The following PTPRD variants were observed in gnomAD, a reference collection of about 807,000 sequenced individuals.
PTPRD encodes the protein receptor-type tyrosine-protein phosphatase delta.
In PTPRD, 34 loss-of-function variants were observed where a neutral mutation model predicts 214.5. The observed-to-expected ratio is 0.16, with a 90% CI of 0.12 to 0.21. The LOEUF is 0.21. PTPRD is among the 10% of genes least tolerant of loss of function. PTPRD has a pLI of 1.00. For synonymous variants in PTPRD, 1,128 were observed against 845.7 expected (o/e 1.33, Z -5.79); for missense variants, 2,545 against 2,398.7 (o/e 1.06, Z -1.27).
At chr9:10,462,116 T>C (rs2098963367) in intron 2 of PTPRD, among the ~76,000 whole-genome samples, 1 of 152,110 alleles carries the variant, frequency 6.6e-6, no homozygotes, top group Non-Finnish European at 1.5e-5. Flanking sequence ...AGTTAGCGTA[T>C]TATATACAGG....
chr9:8,434,532 G>A (rs2095261228), intron 35 of PTPRD, among the ~76,000 whole-genome samples: 1 of 152,032 alleles, frequency 6.6e-6, no homozygotes, highest in South Asian at 2.1e-4. Context: ...CTATATTATT[G>A]CCCATGGTTT....
At chr9:9,198,806 T>A (rs1379525872) in intron 9 of PTPRD, among the ~76,000 whole-genome samples, 1 of 152,208 alleles carries the variant, frequency 6.6e-6, no homozygotes, top group Non-Finnish European at 1.5e-5. Flanking sequence ...CTGAGATAGA[T>A]GACTGCATAT....
At chr9:8,861,387 G>A (rs149306458) in intron 11 of PTPRD, 16 of 152,072 alleles carry the variant, frequency 1.1e-4, no homozygotes, top group African/African-American at 3.9e-4. Flanking sequence ...AGAAAAGTAG[G>A]AAAAAACACA....
chr9:9,427,823 G>T (rs536011967), intron 8 of PTPRD, among the ~76,000 whole-genome samples: 1 of 152,258 alleles, frequency 6.6e-6, no homozygotes, highest in East Asian at 1.9e-4. Flanking sequence ...AGCTTCATAC[G>T]TGAAAGAGAA....
chr9:8,694,176 T>C (rs1388019653), intron 12 of PTPRD, among the ~76,000 whole-genome samples: 1 of 152,180 alleles, frequency 6.6e-6, no homozygotes, highest in Non-Finnish European at 1.5e-5. Context: ...AGCTAATAAA[T>C]TTTTAAATCT....
At chr9:9,312,725 G>A (rs1485885803) in intron 9 of PTPRD, among the ~76,000 whole-genome samples, 2 of 152,120 alleles carry the variant, frequency 1.3e-5, no homozygotes, top group Non-Finnish European at 2.9e-5. Context: ...AACTGGAATA[G>A]GCATGTTAGA....
At chr9:10,117,307 G>A in intron 3 of PTPRD, among the ~76,000 whole-genome samples, 1 of 152,110 alleles carries the variant, frequency 6.6e-6, no homozygotes, top group Admixed American at 6.6e-5. Context: ...ACAGAAAGTT[G>A]ATGTTATTCC....
Position 8,950,060 on chromosome 9 carries a change from T to C in PTPRD, c.-104+68637A>G, listed in dbSNP as rs140800402. ...TCAATCGTGTTGCAATTCTACAAAA[T>C]AGGTATTGGAATGTCTATTTTACAA... On this transcript the variant is annotated intron_variant, in intron 11 of 45. Transcript: ENST00000381196. 1.2e-3 allele frequency among the ~76,000 whole-genome samples: 185 copies of C among 152,248 alleles called. 2 individuals are homozygous for C. Among genetic ancestry groups the C allele is most frequent in the African/African-American group, 4.2e-3 (176 of 41,564 alleles).
chr9:10,147,534 T>C (rs2099031606), intron 3 of PTPRD, among the ~76,000 whole-genome samples: 1 of 152,162 alleles, frequency 6.6e-6, no homozygotes, highest in Admixed American at 6.6e-5. Flanking sequence ...AATTTAATTT[T>C]TCCCAGCCAG....
At chr9:10,584,495 G>A (rs1047270314) in intron 2 of PTPRD, among the ~76,000 whole-genome samples, 4 of 152,146 alleles carry the variant, frequency 2.6e-5, no homozygotes, top group Non-Finnish European at 5.9e-5. Context: ...GTCTACTGTA[G>A]TTCCAGATCT....
At chr9:8,543,225 T>A (rs534691123) in intron 14 of PTPRD, among the ~76,000 whole-genome samples, 1 of 152,330 alleles carries the variant, frequency 6.6e-6, no homozygotes, top group East Asian at 1.9e-4. Flanking sequence ...TTTCGTTTAG[T>A]TGTAATAGAC....
At chr9:8,414,548 G>A (rs1233468850) in intron 35 of PTPRD, among the ~76,000 whole-genome samples, 1 of 152,038 alleles carries the variant, frequency 6.6e-6, no homozygotes, top group Non-Finnish European at 1.5e-5. Context: ...CTTATGTTGG[G>A]AGTTATAGGG....
intron 3 of PTPRD, among the ~76,000 whole-genome samples, chr9:10,322,206 C>G (rs1286172604): frequency 6.6e-6 from 1 of 151,966 alleles, no homozygotes; most frequent in African/African-American, 2.4e-5. Flanking sequence ...ATCTTGCAGT[C>G]AGTTTAATGC....
chr9:9,451,608 T>C (rs1227078825), intron 8 of PTPRD, among the ~76,000 whole-genome samples: 1 of 151,472 alleles, frequency 6.6e-6, no homozygotes, highest in Admixed American at 6.6e-5. Context: ...TTGGTATGAA[T>C]GAGAGAAAGT....
intron 3 of PTPRD, among the ~76,000 whole-genome samples, chr9:10,190,403 AAAAAAAAAAAAAAAAAAC>A (rs2099358034): frequency 1.6e-5 from 2 of 127,982 alleles, no homozygotes; most frequent in Non-Finnish European, 3.4e-5. Flanking sequence ...AAAAAAAAAA[AAAAAAAAAAAAAAAAAAC>A]AAAAAGTCAA....
rs747302391 is a variant in PTPRD at position 8,319,853 on chromosome 9, C to A, written c.5648G>T (p.Arg1883Leu). ...FQTVKMLRTQ[R>L]PAMVQTEDQY... is the part of the protein sequence containing the mutation. ...CACCTCTGTCTGTACCATAGCTGGT[C>A]GTTGTGTTCTTAACATTTTGACAGT... The change falls in exon 45 of 46, where the codon CGA becomes CTA. Residue 1883 changes from arginine to leucine, a missense_variant. Coordinates refer to ENST00000381196, the MANE Select transcript of PTPRD (RefSeq NM_002839.4). The A allele has an allele frequency of 6.2e-7, 1 of 1,612,802 alleles. No individual in the cohort carries two copies. The highest frequency in any genetic ancestry group is 1.7e-4 in the Middle Eastern group (1 of 6,048).
rs142218587 is a variant in PTPRD, at chr9:10,191,459, G to A, written c.-545+149504C>T. ...TATTTTATGCATTTACAAATTGAAA[G>A]AAGGAATTGTAAGGGTAATTGAGCT... On this transcript the variant is annotated intron_variant, in intron 3 of 45. Transcript: ENST00000381196. Among the ~76,000 whole-genome samples, 1,024 of 152,196 alleles carry A rather than the reference G, an allele frequency of 6.7e-3. 7 individuals carry two copies. Among genetic ancestry groups the A allele is most frequent in the Non-Finnish European group, 0.011 (719 of 68,000 alleles).
At chr9:9,019,332 GAA>G (rs1213966387) in intron 10 of PTPRD, among the ~76,000 whole-genome samples, 10 of 25,960 alleles carry the variant, frequency 3.9e-4, no homozygotes, top group Admixed American at 7.5e-4. Flanking sequence ...AAGAAAGAAA[GAA>G]AGAACGAAAG....
intron 4 of PTPRD, among the ~76,000 whole-genome samples, chr9:9,946,301 A>C (rs1039183025): frequency 2.6e-5 from 4 of 152,212 alleles, no homozygotes; most frequent in African/African-American, 4.8e-5. Flanking sequence ...TGAATGGGTA[A>C]AAATGTGTGG....
Sources: gnomAD v4.1 joint callset for allele counts (sites outside exome capture counted in the v4.1 genomes callset) on GRCh38, gnomAD v4.1.1 for gene constraint, MANE v1.5 for transcripts, NCBI Gene and HGNC (gene_info 2026-07-23, HGNC 2026-07-21) for gene names.